Variants in SPG11 observed in about 807,000 individuals in gnomAD.
SPG11 encodes the protein spatacsin.
SPG11 carries 222 observed loss-of-function variants against 274.0 expected under a neutral mutation model. The ratio of observed to expected loss-of-function variants is 0.81; its 90% CI spans 0.73 to 0.91. The LOEUF (loss-of-function observed/expected upper bound fraction) is 0.91, where lower values mean the gene tolerates loss of function less well. SPG11 is among the 40% of genes least tolerant of loss of function. The probability of loss-of-function intolerance (pLI) is 0.00; values close to 1 mark genes in which losing one functional copy is unlikely to be tolerated. For synonymous variants in SPG11, 1,144 were observed against 1,039.7 expected (o/e 1.10, Z -1.93); for missense variants, 3,114 against 2,872.7 (o/e 1.08, Z -1.92).
intron 17 of SPG11, among the ~76,000 whole-genome samples, chr15:44,611,562 G>A (rs1237810793): frequency 2.0e-5 from 3 of 152,052 alleles, no homozygotes; most frequent in African/African-American, 7.2e-5. Flanking sequence ...AAAGCAATCC[G>A]GTCCTACAGC....
chr15:44,579,526 CAAAAAAAAAAAA>C (rs954664107), intron 30 of SPG11, among the ~76,000 whole-genome samples: 3 of 51,870 alleles, frequency 5.8e-5, no homozygotes, highest in African/African-American at 7.4e-5. Context: ...GACTCCGTCT[CAAAAAAAAAAAA>C]AAAAAAAAAA....
rs1050403502 is a variant in SPG11, at chr15:44,584,326, T to C, written c.5354A>G (p.Gln1785Arg). The C allele has an allele frequency of 6.2e-7, 1 of 1,610,818 alleles. No individual in the cohort carries two copies. The highest frequency in any genetic ancestry group is 8.5e-7 in the Non-Finnish European group (1 of 1,177,974). The change falls in exon 30 of 40, where the codon CAG (glutamine) becomes CGG (arginine). Residue 1785 changes from glutamine (Q) to arginine (R), a missense_variant. Transcript: ENST00000261866. ...CTTATCCAAGGGCACCACGTCCTCC[T>C]GGGCAAGCCAGTGCCCTGCCAAGGT... ...LLTLAGHWLAQEDVVPLDKLE... is the reference protein window; with the variant it reads ...LLTLAGHWLAREDVVPLDKLE...
chr15:44,646,312 G>A (rs919546978), intron 7 of SPG11, among the ~76,000 whole-genome samples: 13 of 152,186 alleles, frequency 8.5e-5, no homozygotes, highest in Admixed American at 2.0e-4. Context: ...TACTACCTGA[G>A]AAGGGAGGTT....
chr15:44,568,363 T>C (rs1017023463), intron 35 of SPG11, among the ~76,000 whole-genome samples: 2 of 152,254 alleles, frequency 1.3e-5, no homozygotes, highest in South Asian at 2.1e-4. Context: ...TGCTCCTCAC[T>C]TGATGACTAG....
intron 8 of SPG11, among the ~76,000 whole-genome samples, chr15:44,631,869 C>T (rs928209129): frequency 7.2e-6 from 1 of 138,318 alleles, no homozygotes; most frequent in African/African-American, 2.7e-5. Flanking sequence ...AGTGCAATGG[C>T]GTGATGACGG....
At chr15:44,629,519 C>G in intron 8 of SPG11, 131 bp from the exon 9 acceptor site, 1 of 1,032,888 alleles carries the variant, frequency 9.7e-7, no homozygotes, top group South Asian at 1.5e-5. Flanking sequence ...TCAAAAAGCT[C>G]ACAAAACTTT....
intron 7 of SPG11, among the ~76,000 whole-genome samples, chr15:44,639,377 T>C (rs1280917183): frequency 6.6e-6 from 1 of 151,920 alleles, no homozygotes; most frequent in East Asian, 1.9e-4. Context: ...TTCTGGATCA[T>C]GTTATACTAG....
At chr15:44,604,513 A>G (rs1444805960) in intron 20 of SPG11, among the ~76,000 whole-genome samples, 1 of 152,112 alleles carries the variant, frequency 6.6e-6, no homozygotes, top group Non-Finnish European at 1.5e-5. Context: ...CTAGAGGGAA[A>G]TTTTACTCTG....
chr15:44,615,894 C>G (rs889652936), intron 15 of SPG11, among the ~76,000 whole-genome samples: 2 of 152,148 alleles, frequency 1.3e-5, no homozygotes, highest in African/African-American at 4.8e-5. Flanking sequence ...GCTAGATGCT[C>G]TAAGCACTGA....
intron 30 of SPG11, among the ~76,000 whole-genome samples, chr15:44,577,502 C>CAAAAAAAAAAAA (rs755097423): frequency 1.1e-5 from 1 of 91,688 alleles, no homozygotes; most frequent in Non-Finnish European, 2.1e-5. Context: ...GGCCCTATCT[C>CAAAAAAAAAAAA]AAAAAAAAAA....
intron 15 of SPG11, among the ~76,000 whole-genome samples, chr15:44,616,451 G>C (rs2083595309): frequency 6.6e-6 from 1 of 152,070 alleles, no homozygotes; most frequent in Non-Finnish European, 1.5e-5. Context: ...TCCTGCCTAG[G>C]CCTCCCAAAG....
chr15:44,629,689 G>T (rs2084002568), intron 8 of SPG11, among the ~76,000 whole-genome samples: 1 of 152,180 alleles, frequency 6.6e-6, no homozygotes, highest in Non-Finnish European at 1.5e-5. Context: ...AACAACTTAA[G>T]AGGTAGGTGT....
In SPG11 at chr15:44,606,055, A is replaced by G; in HGVS notation, c.3490T>C (p.Trp1164Arg). Residue 1164 changes from tryptophan to arginine, a missense_variant, in exon 20 of 40, where the codon TGG becomes CGG. Physicochemically the swap from Trp to Arg is moderately radical, Grantham distance 101 (BLOSUM62 -3). Transcript: ENST00000261866. Reference protein sequence around the residue: ...SPFDPSRLFGWQSANTLAIGD... With the variant: ...SPFDPSRLFGRQSANTLAIGD... ...ATAGCTAGTGTGTTAGCAGACTGCC[A>G]GCCAAACAATCTGCTAGGATCAAAG... 3.1e-6 allele frequency: 5 copies of G among 1,613,822 alleles called. No homozygotes were observed. The highest frequency in any genetic ancestry group is 3.4e-6 in the Non-Finnish European group (4 of 1,179,812).
In SPG11 at chr15:44,652,368, T is replaced by C. The variant is rs982564982; in HGVS notation, c.870-102A>G. 15 of 1,260,116 alleles carry C rather than the reference T, an allele frequency of 1.2e-5. No homozygotes were observed. In the South Asian group the frequency reaches 1.6e-4, roughly 14 times the overall value. The allele number at this position is 1,260,116 out of a possible 1,614,324, so 78.1% of individuals were successfully genotyped here. On this transcript the variant is annotated intron_variant, in intron 4 of 39. Transcript: ENST00000261866. The stretch of plus-strand genomic sequence containing the variant: ...AAAATAAGAGATTACAGAGAAGGAA[T>C]AGTACAACAAATTCCGCAGAAAGGA...
intron 15 of SPG11, among the ~76,000 whole-genome samples, chr15:44,618,991 A>G (rs531900513): frequency 1.3e-5 from 2 of 152,320 alleles, no homozygotes; most frequent in East Asian, 3.9e-4. Context: ...TCATAATTCC[A>G]AAACCATATA....
intron 26 of SPG11, 84 bp downstream of exon 26, chr15:44,595,175 G>C: frequency 7.3e-7 from 1 of 1,376,288 alleles, no homozygotes; most frequent in Non-Finnish European, 1.0e-6. Context: ...AAAAAATCCA[G>C]GGATGGAAAT....
intron 7 of SPG11, among the ~76,000 whole-genome samples, chr15:44,643,435 A>G (rs2084513032): frequency 6.6e-6 from 1 of 152,228 alleles, no homozygotes; most frequent in Admixed American, 6.5e-5. Context: ...GTATATAAAA[A>G]TAAGTTTTTC....
intron 26 of SPG11, among the ~76,000 whole-genome samples, chr15:44,593,666 G>A (rs2082958158): frequency 6.6e-6 from 1 of 151,686 alleles, no homozygotes; most frequent in Non-Finnish European, 1.5e-5. Flanking sequence ...ACTTACTGAA[G>A]TATTTTGAGA....
chr15:44,655,941 T>C (rs1446248191), intron 4 of SPG11, among the ~76,000 whole-genome samples: 2 of 152,162 alleles, frequency 1.3e-5, no homozygotes, highest in Admixed American at 6.5e-5. Flanking sequence ...AATATCTTAC[T>C]GTATGTAATA....
Sources: allele counts gnomAD v4.1 joint callset (sites outside exome capture counted in the v4.1 genomes callset), GRCh38; gene constraint gnomAD v4.1.1; transcripts MANE v1.5; gene names NCBI Gene and HGNC (gene_info 2026-07-23, HGNC 2026-07-21).